NRG3: variants seen among roughly 807,000 people sequenced by gnomAD.
NRG3 encodes pro-neuregulin-3, membrane-bound isoform.
Under a neutral mutation model 66.9 loss-of-function variants are expected in NRG3, and 31 were observed. The ratio of observed to expected loss-of-function variants is 0.46; its 90% CI spans 0.35 to 0.63. The LOEUF (loss-of-function observed/expected upper bound fraction) is 0.63, where lower values mean the gene tolerates loss of function less well. Among genes scored for constraint, NRG3 ranks in the 20% least tolerant of loss-of-function variants. NRG3 has a pLI of 0.00. For missense variants in NRG3, 910 were observed against 878.9 expected (o/e 1.04, Z -0.45); for synonymous variants, 393 against 359.4 (o/e 1.09, Z -1.06).
chr10:82,382,850 G>C (rs2085710633), intron 2 of NRG3, among the ~76,000 whole-genome samples: 1 of 151,806 alleles, frequency 6.6e-6, no homozygotes, highest in African/African-American at 2.4e-5. Flanking sequence ...TATTCATATG[G>C]TGTATTAAAC....
At chr10:82,164,417 C>G (rs943464897) in intron 1 of NRG3, among the ~76,000 whole-genome samples, 7 of 152,110 alleles carry the variant, frequency 4.6e-5, no homozygotes, top group Non-Finnish European at 1.0e-4. Context: ...GTTGCTAACT[C>G]TAGTCACCTT....
intron 1 of NRG3, among the ~76,000 whole-genome samples, chr10:81,900,016 G>A (rs1029522601): frequency 4.7e-5 from 7 of 147,408 alleles, no homozygotes; most frequent in African/African-American, 1.5e-4. Flanking sequence ...TGCTCTTGTC[G>A]CCCAGGCTAG....
chr10:82,901,249 C>T (rs1161686346), intron 4 of NRG3, among the ~76,000 whole-genome samples: 1 of 151,914 alleles, frequency 6.6e-6, no homozygotes, highest in Admixed American at 6.6e-5. Context: ...ATCTTTCAAC[C>T]GTGTTTTAAA....
intron 8 of NRG3, among the ~76,000 whole-genome samples, chr10:82,980,685 G>A (rs987915368): frequency 2.3e-4 from 35 of 152,158 alleles, no homozygotes; most frequent in Non-Finnish European, 5.0e-4. Context: ...ATAAATGGCC[G>A]GTGGCTAGGT....
chr10:82,945,159 C>T (rs1848899462), intron 4 of NRG3, among the ~76,000 whole-genome samples: 1 of 152,118 alleles, frequency 6.6e-6, no homozygotes, highest in Non-Finnish European at 1.5e-5. Flanking sequence ...CCATCAGCAC[C>T]AAATGAAGCT....
chr10:82,224,525 A>G (rs1175838735), intron 1 of NRG3, among the ~76,000 whole-genome samples: 2 of 152,312 alleles, frequency 1.3e-5, no homozygotes, highest in East Asian at 3.9e-4. Context: ...CTTCTGACAA[A>G]CCCAGCACAA....
At chr10:82,368,680 C>T (rs1286289938) in intron 2 of NRG3, among the ~76,000 whole-genome samples, 1 of 137,826 alleles carries the variant, frequency 7.3e-6, no homozygotes, top group Non-Finnish European at 1.5e-5. Flanking sequence ...GCAGACAGAG[C>T]AGAGAGAGAA....
intron 2 of NRG3, among the ~76,000 whole-genome samples, chr10:82,508,775 C>A (rs1844902764): frequency 6.6e-6 from 1 of 152,138 alleles, no homozygotes; most frequent in African/African-American, 2.4e-5. Context: ...TGGAACTCTT[C>A]CAGGCAAATC....
At position 82,725,321 on chromosome 10, in the gene NRG3, A is replaced by G. The variant is rs537698499; in HGVS notation, c.954-13256A>G. 7.9e-5 allele frequency among the ~76,000 whole-genome samples: 12 copies of G among 152,310 alleles called. No individual in the cohort carries two copies. The South Asian group carries it at 2.3e-3, about 29-fold the overall frequency. On this transcript the variant is annotated intron_variant, in intron 2 of 8. Coordinates refer to ENST00000372141, the MANE Select transcript of NRG3 (RefSeq NM_001010848.4). ...AACCTGCACCTAACATTTATAAACA[A>G]CATTTCTTCATTTGATCATCACCTT... is the stretch of plus-strand genomic sequence containing the variant.
chr10:82,204,647 A>T (rs905744486), intron 1 of NRG3, among the ~76,000 whole-genome samples: 2 of 152,140 alleles, frequency 1.3e-5, no homozygotes, highest in African/African-American at 2.4e-5. Context: ...TCTCTCCACC[A>T]TTACTAGCCC....
Position 82,874,567 on chromosome 10 carries a change from C to T in NRG3, c.1054+9130C>T, listed in dbSNP as rs542278795. ...GTGCCATTAAAAGAGTTTAGTTTTG[C>T]TAGTGTGCCCTTTGCCATGTTAAAC... is the stretch of plus-strand genomic sequence containing the variant. On this transcript the variant is annotated intron_variant, in intron 4 of 8. Transcript: ENST00000372141. Among the ~76,000 whole-genome samples the T allele has an allele frequency of 1.4e-4, 21 of 152,066 alleles. 1 individual carries two copies. In the South Asian group the frequency reaches 4.1e-3, roughly 30 times the overall value.
chr10:82,833,082 C>G lies in NRG3; in HGVS notation c.1028-32329C>G, dbSNP rs1167033150. The stretch of plus-strand genomic sequence containing the variant: ...CTGTATCACTTAGAACTCAGGGATG[C>G]CATTCTATTAGAAAGGAGGTGCTCT... On this transcript the variant is annotated intron_variant, in intron 3 of 8. Transcript: ENST00000372141. Among the ~76,000 whole-genome samples, 9 of 151,990 alleles carry G rather than the reference C, an allele frequency of 5.9e-5. No individual in the cohort carries two copies. In the South Asian group the frequency reaches 1.7e-3, roughly 28 times the overall value.
intron 3 of NRG3, among the ~76,000 whole-genome samples, chr10:82,820,023 G>A (rs1041163986): frequency 1.3e-5 from 2 of 152,134 alleles, no homozygotes; most frequent in African/African-American, 4.8e-5. Context: ...AGATGGGTCC[G>A]GAAATGCACA....
rs186785095 is a variant in NRG3 at position 82,675,128 on chromosome 10, T to C, written c.954-63449T>C. ...CACCCGCCATCATGCTGGCTAATTTTTGTATGTTTGTAGAGATGGGGTTTC... is the reference window on the plus strand; with the variant it reads ...CACCCGCCATCATGCTGGCTAATTTCTGTATGTTTGTAGAGATGGGGTTTC... On this transcript the variant is annotated intron_variant, in intron 2 of 8. Transcript: ENST00000372141. Among the ~76,000 whole-genome samples, 23 of 152,032 alleles carry C rather than the reference T, an allele frequency of 1.5e-4. No homozygotes were observed. The East Asian group carries it at 4.5e-3, about 30-fold the overall frequency.
intron 2 of NRG3, among the ~76,000 whole-genome samples, chr10:82,392,072 C>T (rs1472356620): frequency 6.8e-6 from 1 of 147,838 alleles, no homozygotes; most frequent in Non-Finnish European, 1.5e-5. Flanking sequence ...ATTCCACTCA[C>T]ATTTCAAAGC....
At chr10:82,839,726 A>C (rs545304584) in intron 3 of NRG3, among the ~76,000 whole-genome samples, 22 of 152,080 alleles carry the variant, frequency 1.4e-4, no homozygotes, top group Admixed American at 5.2e-4. Context: ...GTATGTACAC[A>C]AAATAAAAAT....
At chr10:81,921,536 ATATC>A (rs1173250047) in intron 1 of NRG3, among the ~76,000 whole-genome samples, 2 of 152,068 alleles carry the variant, frequency 1.3e-5, no homozygotes, top group Non-Finnish European at 2.9e-5. Context: ...AATTATTGAA[ATATC>A]TATCTATCTG....
intron 1 of NRG3, among the ~76,000 whole-genome samples, chr10:82,172,792 T>A (rs1590406592): frequency 6.6e-6 from 1 of 152,058 alleles, no homozygotes; most frequent in Admixed American, 6.6e-5. Context: ...CATAATGTAA[T>A]GTAAAGACCC....
At chr10:82,751,886 TTTTG>T (rs201787565) in intron 3 of NRG3, among the ~76,000 whole-genome samples, 3,209 of 152,196 alleles carry the variant, frequency 0.021, 90 homozygotes, top group African/African-American at 0.061. Flanking sequence ...TTTTCTTAGC[TTTTG>T]TTTGTTTGTT....
Sources: gnomAD v4.1 joint callset for allele counts (sites outside exome capture counted in the v4.1 genomes callset) on GRCh38, gnomAD v4.1.1 for gene constraint, MANE v1.5 for transcripts, NCBI Gene and HGNC (gene_info 2026-07-23, HGNC 2026-07-21) for gene names.